Variants in PIK3CD observed in about 807,000 individuals in gnomAD.
PIK3CD encodes the protein phosphatidylinositol-4,5-bisphosphate 3-kinase catalytic subunit delta, also known as phosphatidylinositol 4,5-bisphosphate 3-kinase catalytic subunit delta isoform.
Under a neutral mutation model 122.9 loss-of-function variants are expected in PIK3CD, and 20 were observed. The observed-to-expected ratio is 0.16, with a 90% CI of 0.11 to 0.24. PIK3CD has a LOEUF of 0.24. Among genes scored for constraint, PIK3CD ranks in the 10% least tolerant of loss-of-function variants. PIK3CD has a pLI of 1.00. For missense variants in PIK3CD, 787 were observed against 1,406.3 expected (o/e 0.56, Z 7.04); for synonymous variants, 596 against 593.4 (o/e 1.00, Z -0.06).
Position 9,718,974 on chromosome 1 carries a change from G to T in PIK3CD, c.1242+59G>T, listed in dbSNP as rs61785182. ...CCCCGGAGAGCCAGTACAGCCCCTT[G>T]CTGGGCCACTCACCACTCTCCTCCC... On this transcript the variant is annotated intron_variant, in intron 9 of 23. Coordinates refer to ENST00000377346, the MANE Select transcript of PIK3CD (RefSeq NM_005026.5). The surrounding 1 kb of genome is among the most constrained non-coding windows in gnomAD (Gnocchi z 7.2). 1 of 1,494,004 alleles carries T rather than the reference G, an allele frequency of 6.7e-7. No homozygotes were observed. Among genetic ancestry groups the T allele is most frequent in the Non-Finnish European group, 9.2e-7 (1 of 1,083,168 alleles). 92.5% of individuals were successfully genotyped at this position (1,494,004 alleles called of 1,614,324 possible).
At position 9,718,435 on chromosome 1, in the gene PIK3CD, T is replaced by C. The variant is rs1647906346; in HGVS notation, c.1021-259T>C. 1.3e-5 allele frequency among the ~76,000 whole-genome samples: 2 copies of C among 151,664 alleles called. No individual in the cohort carries two copies. Among genetic ancestry groups the C allele is most frequent in the African/African-American group, 4.8e-5 (2 of 41,238 alleles). The stretch of plus-strand genomic sequence containing the variant: ...CTGATGGGGAAACTGAGGCCTGGAG[T>C]GGGGAATGGACATGCCCCGAGGTCC... On this transcript the variant is annotated intron_variant, in intron 8 of 23. Transcript: ENST00000377346. The surrounding 1 kb of genome is among the most constrained non-coding windows in gnomAD (Gnocchi z 7.2).
At chr1:9,670,150 C>CAAAA (rs375500599) in intron 1 of PIK3CD, among the ~76,000 whole-genome samples, 2 of 60,290 alleles carry the variant, frequency 3.3e-5, no homozygotes, top group African/African-American at 5.0e-5. Context: ...AATTCCACCT[C>CAAAA]AAAAAAAAAA....
At chr1:9,669,197 C>G (rs985261513) in intron 1 of PIK3CD, among the ~76,000 whole-genome samples, 1 of 152,120 alleles carries the variant, frequency 6.6e-6, no homozygotes, top group Non-Finnish European at 1.5e-5. Context: ...GAGACAAGGT[C>G]TTGCTCTGTC....
chr1:9,634,644 G>GA, the PIK3CD span, among the ~76,000 whole-genome samples: 1 of 152,156 alleles, frequency 6.6e-6, no homozygotes, highest in Admixed American at 6.5e-5. Flanking sequence ...TGAGGTCACT[G>GA]AAAATAGTTT....
the PIK3CD span, among the ~76,000 whole-genome samples, chr1:9,627,768 G>A: frequency 6.6e-6 from 1 of 152,214 alleles, no homozygotes; most frequent in Non-Finnish European, 1.5e-5. Flanking sequence ...CCCGGGTGCT[G>A]TTGGTGCTGA....
Position 9,727,606 on chromosome 1 carries a change from G to A in PIK3CD, c.*560G>A. ...TTCCCTCATCTTTCTCTACTGTAAA[G>A]TGATTTTGTTTGCAGGTAAGAAAAT... On this transcript the variant is annotated 3_prime_UTR_variant, in exon 24 of 24. Transcript: ENST00000377346. 1 of 220,096 alleles carries A rather than the reference G, an allele frequency of 4.5e-6. No individual in the cohort carries two copies. The highest frequency in any genetic ancestry group is 2.3e-5 in the African/African-American group (1 of 43,858). The allele number at this position is 220,096 out of a possible 1,614,324, so 13.6% of individuals were successfully genotyped here. A position where few individuals can be genotyped will look rare whatever the true frequency, so the allele number is the denominator to read the frequency against.
Position 9,720,998 on chromosome 1 carries a change from C to A in PIK3CD, c.1689+89C>A. On this transcript the variant is annotated intron_variant, in intron 13 of 23. Coordinates refer to ENST00000377346, the MANE Select transcript of PIK3CD (RefSeq NM_005026.5). The surrounding 1 kb of genome is among the most constrained non-coding windows in gnomAD (Gnocchi z 9.0). ...ACCCTGACCCCGGCCAACCCCCACC[C>A]TCACCCTGGCCAACCTTCACCCTGA... 6.8e-7 allele frequency: 1 copy of A among 1,466,170 alleles called. No homozygotes were observed. 90.8% of individuals were successfully genotyped at this position (1,466,170 alleles called of 1,614,324 possible). A position where few individuals can be genotyped will look rare whatever the true frequency, so the allele number is the denominator to read the frequency against.
At chr1:9,654,081 A>C in intron 1 of PIK3CD, 3 of 1,190,132 alleles carry the variant, frequency 2.5e-6, no homozygotes, top group Non-Finnish European at 3.4e-6. Flanking sequence ...TGAGAAACAT[A>C]ATACAACAAC....
intron 1 of PIK3CD, among the ~76,000 whole-genome samples, chr1:9,656,231 C>G (rs1482586247): frequency 6.6e-6 from 1 of 152,110 alleles, no homozygotes; most frequent in African/African-American, 2.4e-5. Flanking sequence ...GGTTAAGTAT[C>G]CCTTATCCAA....
intron 1 of PIK3CD, among the ~76,000 whole-genome samples, chr1:9,684,074 G>A (rs1046377491): frequency 3.3e-5 from 5 of 152,118 alleles, no homozygotes; most frequent in Non-Finnish European, 7.4e-5. Flanking sequence ...GAAGCGGCAT[G>A]GCTTCTCATG....
chr1:9,717,975 G>A lies in PIK3CD; in HGVS notation c.1020+349G>A, dbSNP rs6667390. ...GCTGGGTCCAGCTGGGCTGGGGGCTGTGGTGCTCCCTGGAGGCACCAGGGC... is the reference window on the plus strand; with the variant it reads ...GCTGGGTCCAGCTGGGCTGGGGGCTATGGTGCTCCCTGGAGGCACCAGGGC... On this transcript the variant is annotated intron_variant, in intron 8 of 23. Transcript: ENST00000377346. This position sits in a 1 kb window ranked among gnomAD's most constrained non-coding sequence, Gnocchi z 5.4. 4.4e-3 allele frequency among the ~76,000 whole-genome samples: 663 copies of A among 152,264 alleles called. 4 individuals carry two copies. Among genetic ancestry groups the A allele is most frequent in the Middle Eastern group, 0.02 (6 of 294 alleles).
At chr1:9,642,824 C>T in the PIK3CD span, among the ~76,000 whole-genome samples, 1 of 152,104 alleles carries the variant, frequency 6.6e-6, no homozygotes, top group African/African-American at 2.4e-5. Flanking sequence ...GGCATGGTGG[C>T]TCATGCCTGT....
In PIK3CD at chr1:9,723,796, G is replaced by C. The variant is rs147138424; in HGVS notation, c.2595-173G>C. ...GTTCAAGATCTGCAGGGGTCTTCAT[G>C]CCTTGGCTCTGGAATAGCGTCTGCA... On this transcript the variant is annotated intron_variant, in intron 20 of 23. Coordinates refer to ENST00000377346, the MANE Select transcript of PIK3CD (RefSeq NM_005026.5). The surrounding 1 kb of genome is among the most constrained non-coding windows in gnomAD (Gnocchi z 4.9). Among the ~76,000 whole-genome samples the C allele has an allele frequency of 5.8e-4, 88 of 152,268 alleles. 1 individual carries two copies. The highest frequency in any genetic ancestry group is 2.0e-3 in the African/African-American group (85 of 41,540).
chr1:9,722,750 T>G lies in PIK3CD; in HGVS notation c.2426+144T>G. ...TAGGAAGACCCGGAGGCGGTTTAACTCTAGGCCAGGAGGCGGCGGGCAGCA... is the reference window on the plus strand; with the variant it reads ...TAGGAAGACCCGGAGGCGGTTTAACGCTAGGCCAGGAGGCGGCGGGCAGCA... On this transcript the variant is annotated intron_variant, in intron 19 of 23. Coordinates refer to ENST00000377346, the MANE Select transcript of PIK3CD (RefSeq NM_005026.5). The surrounding 1 kb of genome is among the most constrained non-coding windows in gnomAD (Gnocchi z 7.6). The G allele has an allele frequency of 1.3e-6, 1 of 760,888 alleles. No individual in the cohort carries two copies. Among genetic ancestry groups the G allele is most frequent in the Non-Finnish European group, 2.3e-6 (1 of 436,340 alleles). The allele number at this position is 760,888 out of a possible 1,614,324, so 47.1% of individuals were successfully genotyped here.
rs1646099149 is a variant in PIK3CD at position 9,689,376 on chromosome 1, C to T, written c.-137-2091C>T. Among the ~76,000 whole-genome samples, 1 of 151,926 alleles carries T rather than the reference C, an allele frequency of 6.6e-6. No homozygotes were observed. Among genetic ancestry groups the T allele is most frequent in the Admixed American group, 6.5e-5 (1 of 15,270 alleles). The stretch of plus-strand genomic sequence containing the variant: ...GATTTGCAGCGTCCACTCCTCTCTC[C>T]GCCGCCCGTGTGAGCTCGGGCGCTT... On this transcript the variant is annotated intron_variant, in intron 1 of 23. Coordinates refer to ENST00000377346, the MANE Select transcript of PIK3CD (RefSeq NM_005026.5). This position sits in a 1 kb window ranked among gnomAD's most constrained non-coding sequence, Gnocchi z 6.1.
chr1:9,628,435 C>T, the PIK3CD span, among the ~76,000 whole-genome samples: 10 of 152,308 alleles, frequency 6.6e-5, no homozygotes, highest in East Asian at 1.7e-3. Flanking sequence ...GTGTCAGGCA[C>T]GATTATAAGC....
At position 9,715,780 on chromosome 1, in the gene PIK3CD, C is replaced by G. The variant is rs374244384; in HGVS notation, c.370+11C>G. ...TCCTCATCGGCAAAGGTAGCTCTGC[C>G]GAGTGGGCCGTGTGGCCGGGCTGGC... On this transcript the variant is annotated intron_variant, in intron 4 of 23. Transcript: ENST00000377346. The surrounding 1 kb of genome is among the most constrained non-coding windows in gnomAD (Gnocchi z 4.1). The G allele has an allele frequency of 1.8e-5, 29 of 1,612,730 alleles. No homozygotes were observed. Among genetic ancestry groups the G allele is most frequent in the Non-Finnish European group, 2.3e-5 (27 of 1,179,848 alleles).
chr1:9,661,853 G>A (rs1645018269), intron 1 of PIK3CD, among the ~76,000 whole-genome samples: 1 of 152,120 alleles, frequency 6.6e-6, no homozygotes, highest in Admixed American at 6.6e-5. Context: ...AAAATTAGCC[G>A]AGCTTGGTGG....
At chr1:9,712,206 C>T (rs1647081743) in intron 3 of PIK3CD, among the ~76,000 whole-genome samples, 1 of 152,210 alleles carries the variant, frequency 6.6e-6, no homozygotes, top group African/African-American at 2.4e-5. Context: ...GTGCCCCTTA[C>T]TAAGCATGGG....
Sources: allele counts gnomAD v4.1 joint callset (sites outside exome capture counted in the v4.1 genomes callset), GRCh38; gene constraint gnomAD v4.1.1; non-coding constraint Gnocchi (gnomAD v3.1); transcripts MANE v1.5; gene names NCBI Gene and HGNC (gene_info 2026-07-23, HGNC 2026-07-21).